The following IMPG1 variants were observed in gnomAD, a reference collection of about 807,000 sequenced individuals.
IMPG1 encodes the protein interphotoreceptor matrix proteoglycan of 150 kDa.
A neutral mutation model predicts 92.0 loss-of-function variants in IMPG1; 85 were observed. That is an observed-to-expected ratio of 0.92 (90% CI 0.78 to 1.11). The LOEUF is 1.11. IMPG1 is among the 50% of genes least tolerant of loss of function. IMPG1 has a pLI of 0.00. For missense variants in IMPG1, 1,022 were observed against 956.0 expected, an observed-to-expected ratio of 1.07 and a Z score of -0.91; for synonymous variants, 367 against 334.1, an observed-to-expected ratio of 1.10 and a Z score of -1.08.
chr6:76,049,395 G>T (rs906198195), intron 1 of IMPG1, among the ~76,000 whole-genome samples: 3 of 152,090 alleles, frequency 2.0e-5, no homozygotes, highest in African/African-American at 7.2e-5. Context: ...CAAAAGCAAG[G>T]TCCTAGTGAG....
At chr6:76,062,758 A>C (rs1275363675) in intron 1 of IMPG1, among the ~76,000 whole-genome samples, 3 of 152,184 alleles carry the variant, frequency 2.0e-5, no homozygotes, top group Non-Finnish European at 4.4e-5. Context: ...ACTTTAATTA[A>C]TATAGACCTC....
At position 75,987,935 on chromosome 6, in the gene IMPG1, C is replaced by T. The variant is rs1402050338; in HGVS notation, c.1291+14983G>A. Among the ~76,000 whole-genome samples the T allele has an allele frequency of 2.6e-5, 4 of 152,194 alleles. No individual in the cohort carries two copies. The East Asian group carries it at 7.7e-4, about 29-fold the overall frequency. ...GTGCTGGGATTACAGGCGTGAGCCACCGCACCTGGCCAAACTCATCCTTTT... is the reference window on the plus strand; with the variant it reads ...GTGCTGGGATTACAGGCGTGAGCCATCGCACCTGGCCAAACTCATCCTTTT... On this transcript the variant is annotated intron_variant, in intron 12 of 16. Transcript: ENST00000369950.
intron 14 of IMPG1, among the ~76,000 whole-genome samples, chr6:75,931,404 G>C (rs892618698): frequency 6.6e-6 from 1 of 152,158 alleles, no homozygotes; most frequent in East Asian, 1.9e-4. Flanking sequence ...GAATCGTCTG[G>C]AGGCCTTGTT....
Position 75,930,945 on chromosome 6 carries a change from T to C in IMPG1, c.2243+8A>G. 4 of 1,613,282 alleles carry C rather than the reference T, an allele frequency of 2.5e-6. No homozygotes were observed. On this transcript the variant is annotated splice_region_variant and intron_variant, in intron 15 of 16. Transcript: ENST00000369950. Reference sequence around the variant, plus strand: ...CTTGAGTCTGTGACGTTAGCATGCTTGACCCACCTGCATGGAGCTCCCTTT... The same window carrying C: ...CTTGAGTCTGTGACGTTAGCATGCTCGACCCACCTGCATGGAGCTCCCTTT...
At chr6:76,024,418 T>C (rs1453208985) in intron 5 of IMPG1, among the ~76,000 whole-genome samples, 4 of 152,144 alleles carry the variant, frequency 2.6e-5, no homozygotes, top group East Asian at 1.9e-4. Flanking sequence ...ATGGGAAGAC[T>C]GCAATAGAAA....
rs1326164970 is a variant in IMPG1, at chr6:75,930,966, C to A, written c.2230G>T (p.Gly744Ter). The change falls in exon 15 of 17, where the codon GGA becomes TGA. Residue 744 changes from glycine to a stop codon, truncating the protein, a stop_gained. Transcript: ENST00000369950. LOFTEE classifies it high-confidence loss of function. ...TGCTTGACCCACCTGCATGGAGCTC[C>A]CTTTCCCTGGAGGACCTCGCATTCC... ...TKECEVLQGKGAPCRLPDHSE... is the reference protein window; with the variant it reads ...TKECEVLQGK The A allele has an allele frequency of 6.2e-7, 1 of 1,614,198 alleles. No homozygotes were observed. Among genetic ancestry groups the A allele is most frequent in the Admixed American group, 1.7e-5 (1 of 60,024 alleles).
chr6:75,947,416 T>C lies in IMPG1; in HGVS notation c.1942A>G (p.Asn648Asp). Reference protein sequence around the residue: ...KMKFAKSVPYNLTKAVHGVLE... With the variant: ...KMKFAKSVPYDLTKAVHGVLE... ...ACCCCGTGCACAGCCTTGGTGAGGT[T>C]ATACGGCACTGACTTAGCAAACTTC... Residue 648 changes from asparagine to aspartate, a missense_variant, in exon 14 of 17, where the codon AAC becomes GAC. Asn to Asp is a conservative substitution (Grantham distance 23). Coordinates refer to ENST00000369950, the MANE Select transcript of IMPG1 (RefSeq NM_001563.4). The C allele has an allele frequency of 1.9e-6, 3 of 1,613,960 alleles. No individual in the cohort carries two copies. The highest frequency in any genetic ancestry group is 8.5e-7 in the Non-Finnish European group (1 of 1,179,896).
In IMPG1 at chr6:76,011,442, A is replaced by G. The variant is rs1287558946; in HGVS notation, c.808-218T>C. Among the ~76,000 whole-genome samples, 3 of 152,166 alleles carry G rather than the reference A, an allele frequency of 2.0e-5. No individual in the cohort carries two copies. In the East Asian group the frequency reaches 5.8e-4, roughly 29 times the overall value. ...CTCTTTGTTCCTAGTGATTTCCAAAACCCAGAGGAAAGTGTTTTGCTATTT... is the reference window on the plus strand; with the variant it reads ...CTCTTTGTTCCTAGTGATTTCCAAAGCCCAGAGGAAAGTGTTTTGCTATTT... On this transcript the variant is annotated intron_variant, in intron 7 of 16. Transcript: ENST00000369950.
chr6:76,001,327 C>T (rs750888705), intron 12 of IMPG1, among the ~76,000 whole-genome samples: 2 of 152,076 alleles, frequency 1.3e-5, no homozygotes, highest in South Asian at 4.1e-4. Context: ...TTTGTTTTGT[C>T]CAAACAACTC....
At chr6:75,963,717 T>G (rs565228479) in intron 12 of IMPG1, among the ~76,000 whole-genome samples, 1 of 152,304 alleles carries the variant, frequency 6.6e-6, no homozygotes, top group South Asian at 2.1e-4. Flanking sequence ...CTTACCCTGT[T>G]ATCCCCCACT....
intron 1 of IMPG1, among the ~76,000 whole-genome samples, chr6:76,070,093 C>T (rs543174468): frequency 6.6e-6 from 1 of 152,186 alleles, no homozygotes; most frequent in Admixed American, 6.5e-5. Flanking sequence ...ATGCAATATA[C>T]CTATGTAACT....
At chr6:76,018,971 T>C in intron 6 of IMPG1, 113 bp from the exon 7 acceptor site, 1 of 964,092 alleles carries the variant, frequency 1.0e-6, no homozygotes, top group Non-Finnish European at 1.4e-6. Context: ...AAGGCTTAAG[T>C]GTTTTGCAAT....
intron 10 of IMPG1, among the ~76,000 whole-genome samples, chr6:76,005,031 C>T (rs1001122114): frequency 2.6e-5 from 4 of 152,278 alleles, no homozygotes; most frequent in East Asian, 3.9e-4. Flanking sequence ...CTTCGTTCTC[C>T]GCAGTTGACT....
At chr6:76,063,059 C>T (rs1355994463) in intron 1 of IMPG1, among the ~76,000 whole-genome samples, 1 of 151,766 alleles carries the variant, frequency 6.6e-6, no homozygotes, top group Non-Finnish European at 1.5e-5. Flanking sequence ...CAAAAATTAG[C>T]CAGGCATGGT....
intron 1 of IMPG1, among the ~76,000 whole-genome samples, chr6:76,064,187 T>C (rs1003298787): frequency 6.6e-6 from 1 of 152,082 alleles, no homozygotes; most frequent in Non-Finnish European, 1.5e-5. Context: ...ATTCTAGGGC[T>C]ATTGGGAATT....
At chr6:76,029,559 C>G (rs1002086998) in intron 4 of IMPG1, among the ~76,000 whole-genome samples, 1 of 152,042 alleles carries the variant, frequency 6.6e-6, no homozygotes, top group Non-Finnish European at 1.5e-5. Context: ...TTAGACTAAC[C>G]CTGCTTGTTC....
intron 12 of IMPG1, among the ~76,000 whole-genome samples, chr6:75,974,393 T>TCCTTCCTTCC (rs1562354842): frequency 1.2e-4 from 8 of 65,030 alleles, no homozygotes; most frequent in African/African-American, 3.5e-4. Context: ...CTTTCTTTCT[T>TCCTTCCTTCC]TTCTTTCTTT....
At chr6:76,006,668 C>G (rs1783105079) in intron 9 of IMPG1, among the ~76,000 whole-genome samples, 1 of 151,638 alleles carries the variant, frequency 6.6e-6, no homozygotes, top group African/African-American at 2.4e-5. Flanking sequence ...TTAAATGATA[C>G]ATAATACTCT....
chr6:76,007,859 T>A (rs999230760), intron 8 of IMPG1, among the ~76,000 whole-genome samples: 1 of 152,210 alleles, frequency 6.6e-6, no homozygotes, highest in Non-Finnish European at 1.5e-5. Flanking sequence ...TGGGGGGTAC[T>A]GGTGCCAGAA....
Sources: gnomAD v4.1 joint callset for allele counts (sites outside exome capture counted in the v4.1 genomes callset) on GRCh38, gnomAD v4.1.1 for gene constraint, MANE v1.5 for transcripts, NCBI Gene and HGNC (gene_info 2026-07-23, HGNC 2026-07-21) for gene names.